The following GALNTL6 variants were observed in gnomAD, a reference collection of about 807,000 sequenced individuals.
The protein encoded by GALNTL6 is polypeptide N-acetylgalactosaminyltransferase like 6.
A neutral mutation model predicts 73.7 loss-of-function variants in GALNTL6; 46 were observed. The observed-to-expected ratio is 0.62, with a 90% CI of 0.49 to 0.80. The LOEUF is 0.80. Ranked by LOEUF, GALNTL6 falls within the 30% of genes least tolerant of loss-of-function variation. GALNTL6 has a pLI of 0.00. For missense variants in GALNTL6, 604 were observed against 755.0 expected, an observed-to-expected ratio of 0.80 and a Z score of 2.34; for synonymous variants, 259 against 263.7, an observed-to-expected ratio of 0.98 and a Z score of 0.17.
intron 12 of GALNTL6, among the ~76,000 whole-genome samples, chr4:173,036,620 C>CA (rs1212777914): frequency 1.3e-5 from 2 of 152,100 alleles, no homozygotes; most frequent in East Asian, 3.9e-4. Flanking sequence ...CAGAAAAACA[C>CA]AAAAATAGAT....
At chr4:172,177,802 C>CGT (rs1432969662) in intron 2 of GALNTL6, among the ~76,000 whole-genome samples, 175 of 135,142 alleles carry the variant, frequency 1.3e-3, no homozygotes, top group African/African-American at 5.2e-3. Context: ...TATATATACA[C>CGT]ACACATATAT....
At chr4:172,171,074 G>A (rs1734804914) in intron 2 of GALNTL6, among the ~76,000 whole-genome samples, 1 of 152,102 alleles carries the variant, frequency 6.6e-6, no homozygotes, top group Admixed American at 6.6e-5. Context: ...TGTTTATGTG[G>A]TAAAGGTGAA....
intron 3 of GALNTL6, among the ~76,000 whole-genome samples, chr4:172,303,255 C>T (rs1003407712): frequency 1.3e-5 from 2 of 152,166 alleles, no homozygotes; most frequent in African/African-American, 4.8e-5. Context: ...GTCTCAGCCT[C>T]CCAAAGTGCT....
chr4:171,879,635 A>C (rs545797796), intron 2 of GALNTL6, among the ~76,000 whole-genome samples: 1 of 152,216 alleles, frequency 6.6e-6, no homozygotes, highest in Admixed American at 6.5e-5. Context: ...AATTTTAATA[A>C]ATCATATTTC....
intron 2 of GALNTL6, among the ~76,000 whole-genome samples, chr4:171,830,764 T>G (rs1734947550): frequency 6.6e-6 from 1 of 152,132 alleles, no homozygotes; most frequent in Non-Finnish European, 1.5e-5. Context: ...TTTAAATAAC[T>G]TTATTAAAAA....
chr4:172,436,206 G>A (rs1731629570), intron 5 of GALNTL6, among the ~76,000 whole-genome samples: 1 of 152,012 alleles, frequency 6.6e-6, no homozygotes, highest in African/African-American at 2.4e-5. Context: ...TGAATTAGAA[G>A]GCTGTAGCAC....
At chr4:171,819,441 C>T (rs1176423488) in intron 2 of GALNTL6, among the ~76,000 whole-genome samples, 3 of 152,134 alleles carry the variant, frequency 2.0e-5, no homozygotes, top group Non-Finnish European at 4.4e-5. Context: ...CTATTCATTT[C>T]TGAGTTGGAC....
At chr4:171,828,725 C>T (rs749194653) in intron 2 of GALNTL6, among the ~76,000 whole-genome samples, 9 of 152,084 alleles carry the variant, frequency 5.9e-5, no homozygotes, top group South Asian at 2.1e-4. Context: ...CAAGTTCAAA[C>T]GATTCTCCGG....
rs1464385173 is a variant in GALNTL6 at position 173,002,458 on chromosome 4, CATATTTATATATGTAT to C, written c.1372-6705_1372-6690del. Among the ~76,000 whole-genome samples, 7 of 151,454 alleles carry C rather than the reference CATATTTATATATGTAT, an allele frequency of 4.6e-5. No individual in the cohort carries two copies. In the South Asian group the frequency reaches 6.2e-4, roughly 13 times the overall value. On this transcript the variant is annotated intron_variant, in intron 10 of 12. Transcript: ENST00000506823. ...AATAGATGAATGGATACAAATTTGG[CATATTTATATATGTAT>C]ATATTTATATATGTGTTTATTCATA...
intron 2 of GALNTL6, among the ~76,000 whole-genome samples, chr4:172,228,987 C>T (rs1736961650): frequency 6.6e-6 from 1 of 152,140 alleles, no homozygotes; most frequent in Non-Finnish European, 1.5e-5. Flanking sequence ...TTCCAGAAAT[C>T]TAGATGAGAG....
chr4:172,819,961 G>C (rs541057467), intron 7 of GALNTL6, among the ~76,000 whole-genome samples: 21 of 152,136 alleles, frequency 1.4e-4, no homozygotes, highest in Non-Finnish European at 3.1e-4. Context: ...AGTGAATATC[G>C]CAAAGCCAAA....
intron 10 of GALNTL6, among the ~76,000 whole-genome samples, chr4:172,958,086 G>C (rs192308245): frequency 6.6e-4 from 100 of 152,330 alleles, no homozygotes; most frequent in African/African-American, 2.1e-3. Context: ...ACTCAACAAA[G>C]AGTGAGTACA....
intron 2 of GALNTL6, among the ~76,000 whole-genome samples, chr4:171,862,455 T>A (rs990048977): frequency 6.6e-6 from 1 of 152,074 alleles, no homozygotes; most frequent in African/African-American, 2.4e-5. Context: ...TAAATACATG[T>A]TAATTTATTT....
chr4:172,357,634 T>TACACACAC (rs5864129), intron 5 of GALNTL6, among the ~76,000 whole-genome samples: 28,001 of 145,294 alleles, frequency 0.19, 2,808 homozygotes, highest in East Asian at 0.25. Context: ...TATAGATATA[T>TACACACAC]ACACACACAC....
intron 2 of GALNTL6, among the ~76,000 whole-genome samples, chr4:172,075,413 C>G (rs1053466033): frequency 6.6e-6 from 1 of 152,140 alleles, no homozygotes; most frequent in African/African-American, 2.4e-5. Context: ...CGGCTCACTG[C>G]AAGCTCTGCC....
chr4:172,467,660 G>A (rs1378520211), intron 5 of GALNTL6, among the ~76,000 whole-genome samples: 1 of 152,146 alleles, frequency 6.6e-6, no homozygotes, highest in Non-Finnish European at 1.5e-5. Context: ...CCACATTTAA[G>A]AGGTGGGGAA....
intron 5 of GALNTL6, among the ~76,000 whole-genome samples, chr4:172,736,794 G>C (rs1365239184): frequency 6.6e-6 from 1 of 152,212 alleles, no homozygotes; most frequent in East Asian, 1.9e-4. Flanking sequence ...TGTGGCTTCA[G>C]CTGGTCCCTC....
At chr4:171,839,913 C>T (rs1213190572) in intron 2 of GALNTL6, among the ~76,000 whole-genome samples, 1 of 152,008 alleles carries the variant, frequency 6.6e-6, no homozygotes, top group African/African-American at 2.4e-5. Flanking sequence ...TTAAATGTAT[C>T]ATATCTTGAC....
chr4:172,745,188 T>A (rs937843334), intron 5 of GALNTL6, among the ~76,000 whole-genome samples: 5 of 148,056 alleles, frequency 3.4e-5, no homozygotes, highest in African/African-American at 5.1e-5. Context: ...GTAAAGATAG[T>A]AGACTGTAAA....
Sources: allele counts gnomAD v4.1 joint callset (sites outside exome capture counted in the v4.1 genomes callset), GRCh38; gene constraint gnomAD v4.1.1; transcripts MANE v1.5; gene names NCBI Gene and HGNC (gene_info 2026-07-23, HGNC 2026-07-21).